The following PCDH15 variants were observed in gnomAD, a reference collection of about 807,000 sequenced individuals.
The protein encoded by PCDH15 is protocadherin-15.
A neutral mutation model predicts 178.5 loss-of-function variants in PCDH15; 129 were observed. The ratio of observed to expected loss-of-function variants is 0.72; its 90% CI spans 0.63 to 0.84. The LOEUF is 0.84. Among genes scored for constraint, PCDH15 ranks in the 40% least tolerant of loss-of-function variants. The pLI is 0.00. For missense variants in PCDH15, 2,230 were observed against 2,099.9 expected (o/e 1.06, Z -1.21); for synonymous variants, 800 against 732.0 (o/e 1.09, Z -1.50).
chr10:54,608,088 T>G, intron 2 of PCDH15: 1 of 402,546 alleles, frequency 2.5e-6, no homozygotes, highest in Non-Finnish European at 4.7e-6. Flanking sequence ...GTAAAAGTGA[T>G]AGAGCCAAAA....
intron 26 of PCDH15, among the ~76,000 whole-genome samples, chr10:53,888,979 G>A (rs2081370802): frequency 6.6e-6 from 1 of 150,442 alleles, no homozygotes; most frequent in African/African-American, 2.4e-5. Context: ...AAAAAAAATG[G>A]TCTCTTTAGA....
chr10:53,973,050 A>G (rs1252685495), intron 21 of PCDH15, among the ~76,000 whole-genome samples: 1 of 152,166 alleles, frequency 6.6e-6, no homozygotes, highest in Non-Finnish European at 1.5e-5. Context: ...CCAAATGTCC[A>G]TCAATGATAG....
chr10:55,497,398 A>G (rs1240831320), intron 2 of PCDH15, among the ~76,000 whole-genome samples: 2 of 151,732 alleles, frequency 1.3e-5, no homozygotes, highest in African/African-American at 4.8e-5. Flanking sequence ...ACAAAGTGTT[A>G]GGATTACAAG....
chr10:54,932,752 G>C (rs1837812744), intron 2 of PCDH15, among the ~76,000 whole-genome samples: 1 of 152,026 alleles, frequency 6.6e-6, no homozygotes, highest in Non-Finnish European at 1.5e-5. Flanking sequence ...GATCAGGCAG[G>C]TCTCAAACCC....
chr10:55,191,151 T>C (rs915340782), intron 1 of PCDH15, among the ~76,000 whole-genome samples: 2 of 151,756 alleles, frequency 1.3e-5, no homozygotes, highest in African/African-American at 4.8e-5. Context: ...TTAAACATCA[T>C]AGAGATAAGA....
chr10:54,240,779 C>T (rs1418534336), intron 8 of PCDH15, among the ~76,000 whole-genome samples: 2 of 151,518 alleles, frequency 1.3e-5, no homozygotes, highest in East Asian at 3.9e-4. Context: ...CTACAGGCGC[C>T]CGCCACCACG....
At chr10:54,713,165 C>T (rs2095443205) in intron 1 of PCDH15, among the ~76,000 whole-genome samples, 1 of 151,884 alleles carries the variant, frequency 6.6e-6, no homozygotes, top group African/African-American at 2.4e-5. Flanking sequence ...TTCAATTTGG[C>T]ATGTGTTCAT....
chr10:54,976,209 G>A (rs1045265152), intron 2 of PCDH15, among the ~76,000 whole-genome samples: 2 of 152,070 alleles, frequency 1.3e-5, no homozygotes, highest in African/African-American at 4.8e-5. Context: ...TAATTTCAAA[G>A]AAAGAAAACA....
intron 1 of PCDH15, among the ~76,000 whole-genome samples, chr10:54,673,046 A>G (rs1033922507): frequency 6.6e-6 from 1 of 152,140 alleles, no homozygotes; most frequent in East Asian, 1.9e-4. Context: ...CATTTAAACA[A>G]TGTAAAATTA....
intron 3 of PCDH15, among the ~76,000 whole-genome samples, chr10:54,807,935 T>C (rs7090391): frequency 1 from 150,893 of 151,458 alleles, 75,168 homozygotes; most frequent in Middle Eastern, 1. Context: ...CCTAATATTT[T>C]GCTGAAATGG....
intron 1 of PCDH15, among the ~76,000 whole-genome samples, chr10:55,305,210 G>A (rs1843389334): frequency 6.6e-6 from 1 of 152,186 alleles, no homozygotes; most frequent in African/African-American, 2.4e-5. Flanking sequence ...AACAGAACAA[G>A]GAGTCAAAAC....
At chr10:54,919,854 G>A (rs1837439999) in intron 2 of PCDH15, among the ~76,000 whole-genome samples, 1 of 151,790 alleles carries the variant, frequency 6.6e-6, no homozygotes, top group South Asian at 2.1e-4. Context: ...TCCCATTTGA[G>A]GATACCACTG....
intron 1 of PCDH15, among the ~76,000 whole-genome samples, chr10:54,776,339 A>C (rs1007591550): frequency 2.6e-5 from 4 of 152,180 alleles, no homozygotes; most frequent in Non-Finnish European, 5.9e-5. Context: ...GTATTCATCA[A>C]ACTGGTTGAT....
Position 53,803,389 on chromosome 10 carries a change from T to C in PCDH15, c.*3190A>G, listed in dbSNP as rs1840980394. Reference sequence around the variant, plus strand: ...CCCTCGAGAGTCAATATTCAATTACTTCTGGCTCTATGATATAAAAATGTT... The same window carrying C: ...CCCTCGAGAGTCAATATTCAATTACCTCTGGCTCTATGATATAAAAATGTT... On this transcript the variant is annotated 3_prime_UTR_variant, in exon 38 of 38. Transcript: ENST00000644397. 2.0e-5 allele frequency: 3 copies of C among 152,034 alleles called. No homozygotes were observed. The highest frequency in any genetic ancestry group is 1.9e-4 in the East Asian group (1 of 5,182). 9.4% of individuals were successfully genotyped at this position (152,034 alleles called of 1,614,324 possible). A position where few individuals can be genotyped will look rare whatever the true frequency, so the allele number is the denominator to read the frequency against.
chr10:55,212,994 A>G (rs545543516), intron 1 of PCDH15, among the ~76,000 whole-genome samples: 3 of 152,272 alleles, frequency 2.0e-5, no homozygotes, highest in Admixed American at 6.5e-5. Flanking sequence ...TTACCTCACC[A>G]AAGTGTCCAA....
At chr10:54,954,624 T>C (rs1295756549) in intron 2 of PCDH15, among the ~76,000 whole-genome samples, 3 of 151,322 alleles carry the variant, frequency 2.0e-5, no homozygotes, top group Non-Finnish European at 4.5e-5. Context: ...GTCAATGTTT[T>C]GCCCTGAAAT....
chr10:54,565,444 C>T (rs2088889189), intron 2 of PCDH15, among the ~76,000 whole-genome samples: 1 of 152,070 alleles, frequency 6.6e-6, no homozygotes, highest in Non-Finnish European at 1.5e-5. Flanking sequence ...CTTTAGACAG[C>T]AATTATAGCC....
chr10:54,271,944 T>C (rs1322510919), intron 8 of PCDH15, among the ~76,000 whole-genome samples: 1 of 147,588 alleles, frequency 6.8e-6, no homozygotes, highest in Non-Finnish European at 1.5e-5. Flanking sequence ...TATACCATTC[T>C]CATTAAGAAA....
chr10:53,819,630 T>C (rs886258976), intron 33 of PCDH15, among the ~76,000 whole-genome samples: 2 of 152,010 alleles, frequency 1.3e-5, no homozygotes, highest in African/African-American at 4.8e-5. Context: ...CTTAAGTCTT[T>C]ATTTAAAAGG....
Sources: gnomAD v4.1 joint callset for allele counts (sites outside exome capture counted in the v4.1 genomes callset) on GRCh38, gnomAD v4.1.1 for gene constraint, MANE v1.5 for transcripts, NCBI Gene and HGNC (gene_info 2026-07-23, HGNC 2026-07-21) for gene names.